NRXN3: variants seen among roughly 807,000 people sequenced by gnomAD.
NRXN3 encodes neurexin III.
NRXN3 carries 32 observed loss-of-function variants against 137.6 expected under a neutral mutation model. That is an observed-to-expected ratio of 0.23 (90% CI 0.18 to 0.31). NRXN3 has a LOEUF of 0.31. Among genes scored for constraint, NRXN3 ranks in the 10% least tolerant of loss-of-function variants. NRXN3 has a pLI of 1.00. For missense variants in NRXN3, 1,574 were observed against 2,062.5 expected (o/e 0.76, Z 4.59); for synonymous variants, 798 against 784.5 (o/e 1.02, Z -0.29).
chr14:79,548,210 C>G (rs1192646961), intron 16 of NRXN3, among the ~76,000 whole-genome samples: 1 of 152,070 alleles, frequency 6.6e-6, no homozygotes, highest in Non-Finnish European at 1.5e-5. Context: ...CCTGACAGGT[C>G]TCAGTGTGTG....
chr14:78,861,039 G>A (rs2099070898), intron 10 of NRXN3, among the ~76,000 whole-genome samples: 1 of 152,040 alleles, frequency 6.6e-6, no homozygotes, highest in Non-Finnish European at 1.5e-5. Context: ...CATTTTTCTA[G>A]GTGATCGTTA....
chr14:79,509,639 T>G (rs576982902), intron 16 of NRXN3, among the ~76,000 whole-genome samples: 4 of 151,846 alleles, frequency 2.6e-5, no homozygotes, highest in Non-Finnish European at 2.9e-5. Flanking sequence ...TTAAATGTTT[T>G]TACCACTAAA....
intron 10 of NRXN3, among the ~76,000 whole-genome samples, chr14:78,869,127 G>A (rs1477194769): frequency 2.0e-5 from 3 of 152,170 alleles, no homozygotes; most frequent in Non-Finnish European, 4.4e-5. Context: ...CTGGGATAGG[G>A]AAAGGGACAT....
intron 15 of NRXN3, among the ~76,000 whole-genome samples, chr14:79,080,648 T>A (rs2046806182): frequency 6.6e-6 from 1 of 152,238 alleles, no homozygotes; most frequent in South Asian, 2.1e-4. Flanking sequence ...TTTGCTTTCA[T>A]TTACCATATC....
At chr14:79,129,496 G>T (rs1414572505) in intron 15 of NRXN3, among the ~76,000 whole-genome samples, 1 of 147,124 alleles carries the variant, frequency 6.8e-6, no homozygotes, top group African/African-American at 2.6e-5. Flanking sequence ...TTTTGAGTGA[G>T]ATTCTTAATC....
chr14:78,201,967 C>T (rs988232538), intron 1 of NRXN3, among the ~76,000 whole-genome samples: 13 of 152,230 alleles, frequency 8.5e-5, no homozygotes, highest in Admixed American at 7.9e-4. Flanking sequence ...GCTACAGCGA[C>T]CAAGGCCATT....
intron 15 of NRXN3, among the ~76,000 whole-genome samples, chr14:79,385,204 T>TC (rs557799323): frequency 0.2 from 18,024 of 87,928 alleles, 1,813 homozygotes; most frequent in Middle Eastern, 0.42. Flanking sequence ...ATGCTATCCT[T>TC]CCCCCCGCCC....
chr14:79,574,035 A>G (rs2097640602), intron 16 of NRXN3, among the ~76,000 whole-genome samples: 2 of 151,832 alleles, frequency 1.3e-5, no homozygotes, highest in Admixed American at 6.6e-5. Flanking sequence ...CACACATTTC[A>G]TATTATATTA....
At chr14:79,301,224 C>T (rs2085082692) in intron 15 of NRXN3, among the ~76,000 whole-genome samples, 1 of 152,078 alleles carries the variant, frequency 6.6e-6, no homozygotes, top group African/African-American at 2.4e-5. Flanking sequence ...AGCTCACTTC[C>T]CAAAAGACAA....
intron 4 of NRXN3, among the ~76,000 whole-genome samples, chr14:78,497,604 ATCC>A (rs1243971085): frequency 9.2e-5 from 14 of 151,818 alleles, no homozygotes; most frequent in African/African-American, 3.4e-4. Context: ...CCATCCATCC[ATCC>A]ATCCATCCAT....
intron 16 of NRXN3, among the ~76,000 whole-genome samples, chr14:79,563,020 A>G (rs1243874933): frequency 7.2e-5 from 11 of 152,106 alleles, no homozygotes; most frequent in Admixed American, 7.2e-4. Context: ...AAAACATATA[A>G]CCCACCCCCA....
At chr14:79,807,412 G>A (rs1245016612) in intron 20 of NRXN3, among the ~76,000 whole-genome samples, 1 of 152,064 alleles carries the variant, frequency 6.6e-6, no homozygotes, top group East Asian at 1.9e-4. Flanking sequence ...TTCATAATAA[G>A]GCAGTGGGCT....
At chr14:79,558,734 A>T (rs1226516689) in intron 16 of NRXN3, among the ~76,000 whole-genome samples, 1 of 152,078 alleles carries the variant, frequency 6.6e-6, no homozygotes, top group Non-Finnish European at 1.5e-5. Flanking sequence ...ATGAGCATTG[A>T]CTTCAACTTA....
At chr14:79,516,614 GC>G (rs1371074387) in intron 16 of NRXN3, among the ~76,000 whole-genome samples, 2 of 152,050 alleles carry the variant, frequency 1.3e-5, no homozygotes, top group African/African-American at 4.8e-5. Context: ...AATTAATGCT[GC>G]CTCTCATTTC....
At chr14:78,432,005 A>G (rs541313134) in intron 4 of NRXN3, among the ~76,000 whole-genome samples, 4 of 152,262 alleles carry the variant, frequency 2.6e-5, no homozygotes, top group African/African-American at 9.6e-5. Flanking sequence ...GGTATTCAGT[A>G]CTGGTGCCAT....
chr14:79,835,586 A>T (rs1428009082), intron 20 of NRXN3, among the ~76,000 whole-genome samples: 1 of 152,064 alleles, frequency 6.6e-6, no homozygotes, highest in Non-Finnish European at 1.5e-5. Flanking sequence ...TGTCATGGAG[A>T]CATCTGTTTT....
intron 6 of NRXN3, 105 bp downstream of exon 6, chr14:78,651,431 G>C: frequency 1.4e-5 from 17 of 1,253,344 alleles, no homozygotes; most frequent in Non-Finnish European, 1.5e-5. Flanking sequence ...TCTATGAGAT[G>C]ATAGATTGCA....
chr14:78,556,818 G>C lies in NRXN3; in HGVS notation c.758-88302G>C, dbSNP rs76540498. Among the ~76,000 whole-genome samples, 1,464 of 151,474 alleles carry C rather than the reference G, an allele frequency of 9.7e-3. 18 individuals carry two copies. The highest frequency in any genetic ancestry group is 0.033 in the African/African-American group (1,377 of 41,298). Reference sequence around the variant, plus strand: ...GTGATCATTGGGCTTCTCCCTAGCAGTTGATGGTAAAAAAAAAATACATCT... The same window carrying C: ...GTGATCATTGGGCTTCTCCCTAGCACTTGATGGTAAAAAAAAAATACATCT... On this transcript the variant is annotated intron_variant, in intron 4 of 20. Transcript: ENST00000335750.
chr14:79,229,593 A>G (rs2153275450), intron 15 of NRXN3, among the ~76,000 whole-genome samples: 1 of 152,300 alleles, frequency 6.6e-6, no homozygotes, highest in African/African-American at 2.4e-5. Context: ...GAGTAAAGAC[A>G]GATCTGTCCT....
Sources: allele counts gnomAD v4.1 joint callset (sites outside exome capture counted in the v4.1 genomes callset), GRCh38; gene constraint gnomAD v4.1.1; transcripts MANE v1.5; gene names NCBI Gene and HGNC (gene_info 2026-07-23, HGNC 2026-07-21).